The following LINGO2 variants were observed in gnomAD, a reference collection of about 807,000 sequenced individuals.
LINGO2 encodes leucine rich repeat and Ig domain containing 2, also known as leucine-rich repeat and immunoglobulin-like domain-containing nogo receptor-interacting protein 2.
LINGO2 carries 14 observed loss-of-function variants against 30.6 expected under a neutral mutation model. The ratio of observed to expected loss-of-function variants is 0.46; its 90% CI spans 0.30 to 0.72. The LOEUF (loss-of-function observed/expected upper bound fraction) is 0.72. Ranked by LOEUF, LINGO2 falls within the 30% of genes least tolerant of loss-of-function variation. The probability of loss-of-function intolerance (pLI) is 0.07; values close to 1 mark genes in which losing one functional copy is unlikely to be tolerated. For missense variants in LINGO2, 729 were observed against 751.7 expected (o/e 0.97, Z 0.35); for synonymous variants, 317 against 288.5 (o/e 1.10, Z -1.00).
chr9:29,027,895 A>G, the LINGO2 span, among the ~76,000 whole-genome samples: 1 of 152,218 alleles, frequency 6.6e-6, no homozygotes, highest in Non-Finnish European at 1.5e-5. Context: ...AGCATTGTGT[A>G]TAAAGTAACT....
At chr9:28,552,216 C>T (rs1822323596) in intron 1 of LINGO2, among the ~76,000 whole-genome samples, 1 of 152,000 alleles carries the variant, frequency 6.6e-6, no homozygotes, top group Non-Finnish European at 1.5e-5. Context: ...GACCTGCCTA[C>T]AGCTGTCACC....
chr9:28,485,724 T>C (rs1483669246), intron 1 of LINGO2, among the ~76,000 whole-genome samples: 2 of 152,228 alleles, frequency 1.3e-5, no homozygotes, highest in African/African-American at 4.8e-5. Context: ...AACCAACCCC[T>C]TGTACACATA....
At chr9:28,506,412 ATATATAT>A (rs1820119918) in intron 1 of LINGO2, among the ~76,000 whole-genome samples, 55 of 67,248 alleles carry the variant, frequency 8.2e-4, no homozygotes, top group African/African-American at 3.2e-3. Flanking sequence ...ATATATATAT[ATATATAT>A]ATACACACAC....
chr9:28,022,736 G>C (rs1587709128), intron 4 of LINGO2, among the ~76,000 whole-genome samples: 1 of 151,696 alleles, frequency 6.6e-6, no homozygotes, highest in East Asian at 1.9e-4. Context: ...TTTAGTATCT[G>C]TCATTAATTT....
intron 4 of LINGO2, among the ~76,000 whole-genome samples, chr9:28,021,562 T>C (rs1823123762): frequency 6.6e-6 from 1 of 152,140 alleles, no homozygotes; most frequent in African/African-American, 2.4e-5. Context: ...TCTGCCTGCT[T>C]GATTTACCAA....
At chr9:28,571,185 G>C (rs532257145) in intron 1 of LINGO2, among the ~76,000 whole-genome samples, 7 of 152,054 alleles carry the variant, frequency 4.6e-5, no homozygotes, top group Non-Finnish European at 8.8e-5. Flanking sequence ...TTATGACTTG[G>C]AATATTTTCT....
intron 4 of LINGO2, among the ~76,000 whole-genome samples, chr9:28,249,926 G>A (rs1231121183): frequency 6.6e-6 from 1 of 152,116 alleles, no homozygotes. Context: ...ATTATCTTAA[G>A]TTTTCAACAA....
chr9:28,285,204 G>A (rs1226197554), intron 4 of LINGO2, among the ~76,000 whole-genome samples: 1 of 151,764 alleles, frequency 6.6e-6, no homozygotes, highest in Non-Finnish European at 1.5e-5. Context: ...TGTATATATA[G>A]ACTTCACATC....
chr9:28,853,800 A>G, the LINGO2 span, among the ~76,000 whole-genome samples: 2 of 151,864 alleles, frequency 1.3e-5, no homozygotes, highest in African/African-American at 4.8e-5. Context: ...CTATGATCCA[A>G]TTACCTCCAC....
intron 1 of LINGO2, among the ~76,000 whole-genome samples, chr9:28,526,021 A>T (rs1298742194): frequency 7.7e-6 from 1 of 130,578 alleles, no homozygotes; most frequent in Non-Finnish European, 1.5e-5. Context: ...GCGCCACTGC[A>T]CTCCAGCCTG....
At chr9:28,481,753 C>G (rs993360465) in intron 1 of LINGO2, among the ~76,000 whole-genome samples, 4 of 152,000 alleles carry the variant, frequency 2.6e-5, no homozygotes, top group African/African-American at 9.7e-5. Context: ...AGGTATATCT[C>G]CCAATGCTAT....
In LINGO2 at chr9:28,149,697, T is replaced by C. The variant is rs578168448; in HGVS notation, c.-86-137292A>G. On this transcript the variant is annotated intron_variant, in intron 4 of 5. Coordinates refer to ENST00000379992, the Ensembl canonical transcript of LINGO2. ...CACTCTGGGAAGTGAGGAACGCTTC[T>C]GCCTGGCCACTGCCCTGTCTTGGAA... Among the ~76,000 whole-genome samples, 6 of 148,814 alleles carry C rather than the reference T, an allele frequency of 4.0e-5. 1 individual carries two copies. The South Asian group carries it at 1.3e-3, about 33-fold the overall frequency.
chr9:28,264,592 C>T (rs1822680376), intron 4 of LINGO2, among the ~76,000 whole-genome samples: 1 of 151,888 alleles, frequency 6.6e-6, no homozygotes, highest in African/African-American at 2.4e-5. Flanking sequence ...CCCGAATCAT[C>T]TCACACTGAA....
the LINGO2 span, among the ~76,000 whole-genome samples, chr9:29,099,045 G>A: frequency 4.3e-3 from 648 of 152,208 alleles, 4 homozygotes; most frequent in African/African-American, 0.015. Context: ...ATAGACCAGC[G>A]GAACAGAATA....
the LINGO2 span, among the ~76,000 whole-genome samples, chr9:28,721,432 G>A: frequency 6.6e-6 from 1 of 152,078 alleles, no homozygotes. Context: ...ATGATAGACT[G>A]GATAAAGAAA....
At chr9:28,590,194 T>C (rs996259234) in intron 1 of LINGO2, among the ~76,000 whole-genome samples, 3 of 151,708 alleles carry the variant, frequency 2.0e-5, no homozygotes, top group Non-Finnish European at 4.4e-5. Flanking sequence ...CCTAAAACCA[T>C]AAAAACCCTA....
chr9:28,200,225 A>C (rs1296236226), intron 4 of LINGO2, among the ~76,000 whole-genome samples: 2 of 152,208 alleles, frequency 1.3e-5, no homozygotes, highest in African/African-American at 4.8e-5. Flanking sequence ...ACAGTGACTA[A>C]GATAGGTAAC....
At chr9:28,648,925 C>T (rs1230841916) in intron 1 of LINGO2, among the ~76,000 whole-genome samples, 8 of 151,898 alleles carry the variant, frequency 5.3e-5, no homozygotes, top group Admixed American at 2.6e-4. Flanking sequence ...TGGTAGGGGG[C>T]GGTAAAGAGA....
the LINGO2 span, among the ~76,000 whole-genome samples, chr9:29,135,826 T>C: frequency 2.6e-5 from 4 of 152,134 alleles, no homozygotes; most frequent in East Asian, 3.9e-4. Flanking sequence ...TTTCTGTTTC[T>C]GTTAATTTGA....
Sources: allele counts gnomAD v4.1 joint callset (sites outside exome capture counted in the v4.1 genomes callset), GRCh38; gene constraint gnomAD v4.1.1; transcripts MANE v1.5; gene names NCBI Gene and HGNC (gene_info 2026-07-23, HGNC 2026-07-21).